IL1RAP: variants seen among roughly 807,000 people sequenced by gnomAD.
IL1RAP encodes the protein interleukin 1 receptor accessory protein, also known as interleukin-1 receptor accessory protein.
In IL1RAP, 35 loss-of-function variants were observed where a neutral mutation model predicts 60.7. The ratio of observed to expected loss-of-function variants is 0.58; its 90% CI spans 0.44 to 0.76. The LOEUF (loss-of-function observed/expected upper bound fraction) is 0.76, where lower values mean the gene tolerates loss of function less well. Among genes scored for constraint, IL1RAP ranks in the 30% least tolerant of loss-of-function variants. IL1RAP has a pLI of 0.00. For synonymous variants in IL1RAP, 268 were observed against 250.9 expected (o/e 1.07, Z -0.64); for missense variants, 572 against 693.9 (o/e 0.82, Z 1.97).
chr3:190,580,718 T>A (rs1407517610), intron 3 of IL1RAP, among the ~76,000 whole-genome samples: 1 of 152,198 alleles, frequency 6.6e-6, no homozygotes, highest in Non-Finnish European at 1.5e-5. Flanking sequence ...AGAAATCTAC[T>A]CTACAGCTTA....
At position 190,618,410 on chromosome 3, in the gene IL1RAP, A is replaced by G. The variant is rs7615824; in HGVS notation, c.538-1865A>G. 9.4e-3 allele frequency among the ~76,000 whole-genome samples: 1,425 copies of G among 152,334 alleles called. 20 individuals carry two copies. Among genetic ancestry groups the G allele is most frequent in the African/African-American group, 0.031 (1,274 of 41,584 alleles). ...CCTCAACTCACTGCTGAGGAGAGGT[A>G]TTCATTCTTAGTTAAGAAGCTGATG... is the stretch of plus-strand genomic sequence containing the variant. On this transcript the variant is annotated intron_variant, in intron 5 of 11. Coordinates refer to ENST00000447382, the MANE Select transcript of IL1RAP (RefSeq NM_002182.4).
intron 1 of IL1RAP, among the ~76,000 whole-genome samples, chr3:190,527,711 G>A (rs1395450788): frequency 1.3e-4 from 17 of 126,000 alleles, no homozygotes; most frequent in African/African-American, 4.8e-4. Flanking sequence ...TTTGCTTTTG[G>A]TCTTGTTATG....
Position 190,649,286 on chromosome 3 carries a change from T to G in IL1RAP, c.*581T>G. The G allele has an allele frequency of 1.0e-6, 1 of 985,492 alleles. No individual in the cohort carries two copies. Among genetic ancestry groups the G allele is most frequent in the Non-Finnish European group, 1.2e-6 (1 of 829,588 alleles). 61.0% of individuals were successfully genotyped at this position (985,492 alleles called of 1,614,324 possible). A position where few individuals can be genotyped will look rare whatever the true frequency, so the allele number is the denominator to read the frequency against. On this transcript the variant is annotated 3_prime_UTR_variant, in exon 12 of 12. Coordinates refer to ENST00000447382, the MANE Select transcript of IL1RAP (RefSeq NM_002182.4). ...CTGAAAATGTTTCTTTTAATTGATTTAAAGGACTTGTCTTCTATACCACCC... is the reference window on the plus strand; with the variant it reads ...CTGAAAATGTTTCTTTTAATTGATTGAAAGGACTTGTCTTCTATACCACCC...
intron 9 of IL1RAP, among the ~76,000 whole-genome samples, chr3:190,643,203 T>A (rs1456498219): frequency 6.6e-6 from 1 of 152,076 alleles, no homozygotes; most frequent in East Asian, 1.9e-4. Context: ...AGAGTAAAAA[T>A]TTCTACACGG....
chr3:190,550,880 G>A (rs1724802233), intron 1 of IL1RAP, among the ~76,000 whole-genome samples: 1 of 152,160 alleles, frequency 6.6e-6, no homozygotes, highest in African/African-American at 2.4e-5. Context: ...GAAAAATCGT[G>A]GTAGGACTGA....
chr3:190,644,478 A>G (rs896360740), intron 10 of IL1RAP, 81 bp downstream of exon 10: 15 of 1,149,248 alleles, frequency 1.3e-5, no homozygotes, highest in Non-Finnish European at 1.8e-5. Flanking sequence ...AAAAGAAAAC[A>G]TGTTGATTTG....
At chr3:190,584,383 T>C (rs1728265752) in intron 3 of IL1RAP, among the ~76,000 whole-genome samples, 3 of 152,222 alleles carry the variant, frequency 2.0e-5, no homozygotes, top group Admixed American at 2.0e-4. Context: ...AGGACTGATA[T>C]TGCTAGGTCA....
At chr3:190,556,415 T>G (rs1725435538) in intron 2 of IL1RAP, among the ~76,000 whole-genome samples, 199 bp downstream of exon 2, 2 of 152,088 alleles carry the variant, frequency 1.3e-5, no homozygotes, top group Non-Finnish European at 2.9e-5. Context: ...CACACACATA[T>G]GTATGTTTTC....
chr3:190,522,755 G>T (rs569585974), intron 1 of IL1RAP, among the ~76,000 whole-genome samples: 1 of 152,274 alleles, frequency 6.6e-6, no homozygotes, highest in African/African-American at 2.4e-5. Flanking sequence ...TTCATGTGTA[G>T]GAGGAATTAG....
intron 5 of IL1RAP, among the ~76,000 whole-genome samples, chr3:190,619,094 A>G (rs1196800375): frequency 6.6e-6 from 1 of 152,256 alleles, no homozygotes; most frequent in Non-Finnish European, 1.5e-5. Flanking sequence ...GAGATAACCT[A>G]ATCTTTTTGT....
intron 3 of IL1RAP, among the ~76,000 whole-genome samples, chr3:190,577,688 G>C (rs1029479080): frequency 6.6e-6 from 1 of 152,000 alleles, no homozygotes; most frequent in Non-Finnish European, 1.5e-5. Context: ...ATGCCACCAG[G>C]CTCAGCTAAT....
intron 1 of IL1RAP, among the ~76,000 whole-genome samples, chr3:190,552,200 A>G (rs1292216208): frequency 6.6e-6 from 1 of 152,208 alleles, no homozygotes; most frequent in African/African-American, 2.4e-5. Flanking sequence ...ATGATAAATT[A>G]TTTTACAAAA....
intron 1 of IL1RAP, among the ~76,000 whole-genome samples, chr3:190,547,008 C>T (rs1724433678): frequency 6.6e-6 from 1 of 152,148 alleles, no homozygotes; most frequent in Admixed American, 6.5e-5. Flanking sequence ...ATATGCTTGT[C>T]AGAGCATTTT....
In IL1RAP at chr3:190,553,116, C is replaced by T. The variant is rs1255798084; in HGVS notation, c.-88-3014C>T. Among the ~76,000 whole-genome samples the T allele has an allele frequency of 2.0e-5, 3 of 152,244 alleles. No homozygotes were observed. In the East Asian group the frequency reaches 5.8e-4, roughly 29 times the overall value. On this transcript the variant is annotated intron_variant, in intron 1 of 11. Coordinates refer to ENST00000447382, the MANE Select transcript of IL1RAP (RefSeq NM_002182.4). ...CATTTCCTAAGCCAGGATTGAATCC[C>T]GGCCATAGGTAAGCTAAACAAAGCC...
chr3:190,656,771 G>A (rs1734633442), exon 12 of IL1RAP: 3 of 549,854 alleles, frequency 5.5e-6, no homozygotes, highest in Non-Finnish European at 9.4e-6. Flanking sequence ...AGACCTGAAG[G>A]ACCTGAATCC....
At chr3:190,515,251 C>CAA in intron 1 of IL1RAP, among the ~76,000 whole-genome samples, 1 of 148,174 alleles carries the variant, frequency 6.7e-6, no homozygotes, top group African/African-American at 2.5e-5. Context: ...TTTTTCCAGC[C>CAA]AAAAAATGGA....
At position 190,617,657 on chromosome 3, in the gene IL1RAP, T is replaced by C. The variant is rs1577738391; in HGVS notation, c.538-2618T>C. Among the ~76,000 whole-genome samples, 3 of 152,364 alleles carry C rather than the reference T, an allele frequency of 2.0e-5. No individual in the cohort carries two copies. The South Asian group carries it at 6.2e-4, about 32-fold the overall frequency. On this transcript the variant is annotated intron_variant, in intron 5 of 11. Coordinates refer to ENST00000447382, the MANE Select transcript of IL1RAP (RefSeq NM_002182.4). ...TTTTTTATGTTTGTTTTCTTCTGGA[T>C]TCCAAATAAATGGTTTTGAAATCAT...
chr3:190,586,797 C>T (rs1337808224), intron 3 of IL1RAP, among the ~76,000 whole-genome samples: 1 of 149,294 alleles, frequency 6.7e-6, no homozygotes. Flanking sequence ...GAAAGTTAAG[C>T]ATGAAGGTAG....
chr3:190,546,092 A>G (rs1181661645), intron 1 of IL1RAP, among the ~76,000 whole-genome samples: 2 of 152,170 alleles, frequency 1.3e-5, no homozygotes, highest in Admixed American at 6.5e-5. Context: ...TGCAGTGTAC[A>G]TCCTTGAAAT....
Sources: gnomAD v4.1 joint callset for allele counts (sites outside exome capture counted in the v4.1 genomes callset) on GRCh38, gnomAD v4.1.1 for gene constraint, MANE v1.5 for transcripts, NCBI Gene and HGNC (gene_info 2026-07-23, HGNC 2026-07-21) for gene names.